DAPP1: variants seen among roughly 807,000 people sequenced by gnomAD.
DAPP1 encodes dual adaptor of phosphotyrosine and 3-phosphoinositides 1.
A neutral mutation model predicts 41.5 loss-of-function variants in DAPP1; 20 were observed. The observed-to-expected ratio is 0.48, with a 90% CI of 0.34 to 0.70. The LOEUF is 0.70. Ranked by LOEUF, DAPP1 falls within the 30% of genes least tolerant of loss-of-function variation. DAPP1 has a pLI of 0.01. For missense variants in DAPP1, 233 were observed against 333.4 expected, an observed-to-expected ratio of 0.70 and a Z score of 2.35; for synonymous variants, 113 against 116.2, an observed-to-expected ratio of 0.97 and a Z score of 0.18.
intron 4 of DAPP1, among the ~76,000 whole-genome samples, 185 bp downstream of exon 4, chr4:99,853,533 A>G (rs1387858574): frequency 6.6e-6 from 1 of 152,248 alleles, no homozygotes; most frequent in Non-Finnish European, 1.5e-5. Context: ...CATAAAAATT[A>G]CAATGCAGCC....
intron 5 of DAPP1, 105 bp from the exon 6 acceptor site, chr4:99,862,905 T>G (rs1724289645): frequency 2.4e-6 from 2 of 839,640 alleles, no homozygotes; most frequent in South Asian, 4.2e-5. Context: ...ATTTAATTTT[T>G]TAGATACTTT....
chr4:99,871,512 TTTATTA>T (rs1327432031), downstream of DAPP1, among the ~76,000 whole-genome samples: 1 of 152,116 alleles, frequency 6.6e-6, no homozygotes, highest in Non-Finnish European at 1.5e-5. Flanking sequence ...ACAATCCCAG[TTTATTA>T]TTATCAGATT....
intron 4 of DAPP1, among the ~76,000 whole-genome samples, chr4:99,857,250 C>CA (rs1235900842): frequency 1.3e-5 from 2 of 152,030 alleles, no homozygotes; most frequent in Non-Finnish European, 2.9e-5. Context: ...GAAAGAGTAG[C>CA]AGAGTCATGG....
At chr4:99,863,718 GT>G (rs61359294) in intron 6 of DAPP1, 51 bp from the exon 7 acceptor site, 139,239 of 857,188 alleles carry the variant, frequency 0.16, 674 homozygotes, top group African/African-American at 0.23. Context: ...AGATTTGTCT[GT>G]TTTTTTTTTT....
intron 3 of DAPP1, chr4:99,844,696 C>T (rs975082602): frequency 2.0e-5 from 3 of 152,116 alleles, no homozygotes; most frequent in Admixed American, 6.5e-5. Context: ...AAGTCAAGTT[C>T]TATGTTTGTG....
chr4:99,865,664 C>T (rs1724397029), intron 7 of DAPP1: 1 of 151,666 alleles, frequency 6.6e-6, no homozygotes, highest in Non-Finnish European at 1.5e-5. Flanking sequence ...TAGAGTTAAC[C>T]TAAGACATGA....
Position 99,840,374 on chromosome 4 carries a change from G to A in DAPP1, c.310G>A (p.Asp104Asn). 6.2e-7 allele frequency: 1 copy of A among 1,611,144 alleles called. No individual in the cohort carries two copies. The highest frequency in any genetic ancestry group is 8.5e-7 in the Non-Finnish European group (1 of 1,179,008). Residue 104 changes from aspartate to asparagine, a missense_variant, in exon 3 of 9, where the codon GAT (aspartate) becomes AAT (asparagine). By Grantham distance (23) the Asp-to-Asn change is conservative. Transcript: ENST00000512369. ...CTTTAATGAATTCTCATCTTTGAAG[G>A]ATTTTGTCAAGCATTTTGCAAATCA... is the stretch of plus-strand genomic sequence containing the variant. ...FGFNEFSSLK[D>N]FVKHFANQPL...
intron 1 of DAPP1, among the ~76,000 whole-genome samples, chr4:99,834,850 C>T (rs952801757): frequency 1.3e-5 from 2 of 152,078 alleles, no homozygotes; most frequent in African/African-American, 2.4e-5. Context: ...TGGTTCCTTC[C>T]GAGGGCCGTG....
At chr4:99,855,325 A>G (rs1371983734) in intron 4 of DAPP1, among the ~76,000 whole-genome samples, 1 of 152,250 alleles carries the variant, frequency 6.6e-6, no homozygotes, top group Non-Finnish European at 1.5e-5. Flanking sequence ...CTCAAGGTCA[A>G]ACAAACCATG....
intron 3 of DAPP1, among the ~76,000 whole-genome samples, chr4:99,850,189 C>T (rs1049551935): frequency 6.6e-6 from 1 of 152,210 alleles, no homozygotes; most frequent in Admixed American, 6.5e-5. Flanking sequence ...GCGGGTGGAT[C>T]ACCTGAGGTC....
intron 3 of DAPP1, among the ~76,000 whole-genome samples, chr4:99,849,639 G>T (rs970230575): frequency 6.6e-6 from 1 of 152,190 alleles, no homozygotes; most frequent in Non-Finnish European, 1.5e-5. Flanking sequence ...TGATACTGTG[G>T]TAGGAGGATA....
chr4:99,818,051 T>C (rs562859178), intron 1 of DAPP1, among the ~76,000 whole-genome samples: 1 of 152,368 alleles, frequency 6.6e-6, no homozygotes, highest in South Asian at 2.1e-4. Context: ...TCTCTCTGTG[T>C]TAAGGCTGCA....
Position 99,837,782 on chromosome 4 carries a change from G to A in DAPP1, c.224+2037G>A, listed in dbSNP as rs540215226. 2.6e-5 allele frequency among the ~76,000 whole-genome samples: 4 copies of A among 152,188 alleles called. No homozygotes were observed. The South Asian group carries it at 8.3e-4, about 32-fold the overall frequency. ...TTATTATTACACTGTAATGTATAAT[G>A]AAATAATTATACAACTCACCATCAT... On this transcript the variant is annotated intron_variant, in intron 2 of 8. Coordinates refer to ENST00000512369, the MANE Select transcript of DAPP1 (RefSeq NM_014395.3).
At chr4:99,849,342 G>T (rs949023886) in intron 3 of DAPP1, among the ~76,000 whole-genome samples, 9 of 152,240 alleles carry the variant, frequency 5.9e-5, no homozygotes, top group Admixed American at 4.6e-4. Context: ...TTCATCCCAG[G>T]TTCTTTCTTG....
chr4:99,865,062 C>T (rs1724376188), intron 7 of DAPP1: 1 of 152,262 alleles, frequency 6.6e-6, no homozygotes, highest in Non-Finnish European at 1.5e-5. Context: ...CGAGTATATG[C>T]ACTGTATCAC....
intron 3 of DAPP1, among the ~76,000 whole-genome samples, chr4:99,846,935 C>T (rs1431067169): frequency 6.6e-6 from 1 of 152,176 alleles, no homozygotes; most frequent in African/African-American, 2.4e-5. Context: ...TTGAATAACC[C>T]TATTCTCTCC....
intron 2 of DAPP1, 71 bp from the exon 3 acceptor site, chr4:99,840,218 T>G: frequency 5.4e-6 from 6 of 1,102,360 alleles, no homozygotes; most frequent in Non-Finnish European, 6.3e-6. Flanking sequence ...TGCTAACATC[T>G]GAGATCATAT....
intron 3 of DAPP1, among the ~76,000 whole-genome samples, chr4:99,843,467 T>C (rs1723562426): frequency 6.6e-6 from 1 of 152,240 alleles, no homozygotes; most frequent in Non-Finnish European, 1.5e-5. Flanking sequence ...AAGGATTTCC[T>C]AAGCAACATC....
intron 3 of DAPP1, chr4:99,844,581 C>T (rs911293939): frequency 6.6e-6 from 1 of 152,068 alleles, no homozygotes; most frequent in Non-Finnish European, 1.5e-5. Flanking sequence ...TTTACCATTA[C>T]CTTTTGTTTA....
Sources: allele counts gnomAD v4.1 joint callset (sites outside exome capture counted in the v4.1 genomes callset), GRCh38; gene constraint gnomAD v4.1.1; transcripts MANE v1.5; gene names NCBI Gene and HGNC (gene_info 2026-07-23, HGNC 2026-07-21).